Variants in CRIM1 observed in about 807,000 individuals in gnomAD.
CRIM1 encodes the protein cysteine-rich motor neuron 1 protein.
Under a neutral mutation model 116.4 loss-of-function variants are expected in CRIM1, and 32 were observed. The observed-to-expected ratio is 0.27, with a 90% CI of 0.21 to 0.37. CRIM1 has a LOEUF of 0.37. CRIM1 is among the 10% of genes least tolerant of loss of function. The pLI, the probability that CRIM1 is intolerant of heterozygous loss-of-function variation, is 1.00. For missense variants in CRIM1, 1,331 were observed against 1,354.8 expected, an observed-to-expected ratio of 0.98 and a Z score of 0.28; for synonymous variants, 590 against 509.2, an observed-to-expected ratio of 1.16 and a Z score of -2.13.
chr2:36,434,291 G>A (rs1168340763), intron 2 of CRIM1, among the ~76,000 whole-genome samples: 1 of 152,228 alleles, frequency 6.6e-6, no homozygotes, highest in African/African-American at 2.4e-5. Context: ...AGAAAGTAAT[G>A]AGGATACGCT....
intron 3 of CRIM1, among the ~76,000 whole-genome samples, chr2:36,442,104 A>G (rs368594101): frequency 6.6e-4 from 100 of 152,134 alleles, no homozygotes; most frequent in African/African-American, 2.3e-3. Flanking sequence ...TTCTTGCTTT[A>G]TATTATTTCT....
intron 2 of CRIM1, among the ~76,000 whole-genome samples, chr2:36,415,323 G>A (rs1354200364): frequency 2.0e-5 from 3 of 152,164 alleles, no homozygotes; most frequent in Non-Finnish European, 1.5e-5. Flanking sequence ...GTGTGGTGAT[G>A]CTATTTGGAA....
At chr2:36,416,688 A>G (rs1471265236) in intron 2 of CRIM1, among the ~76,000 whole-genome samples, 4 of 152,164 alleles carry the variant, frequency 2.6e-5, no homozygotes, top group African/African-American at 9.7e-5. Context: ...AGTTTTTCAG[A>G]TACAGAAGGA....
chr2:36,387,794 A>G (rs987113891), intron 1 of CRIM1, among the ~76,000 whole-genome samples: 3 of 152,212 alleles, frequency 2.0e-5, no homozygotes, highest in African/African-American at 7.2e-5. Context: ...ATTAAAAGCC[A>G]TTTATAAGAT....
At chr2:36,500,936 T>C (rs1680940026) in intron 8 of CRIM1, among the ~76,000 whole-genome samples, 4 of 152,232 alleles carry the variant, frequency 2.6e-5, no homozygotes, top group Admixed American at 1.3e-4. Flanking sequence ...GCTGAAGTTA[T>C]AGGGGCCTGG....
intron 1 of CRIM1, among the ~76,000 whole-genome samples, chr2:36,391,415 A>G (rs1167167968): frequency 1.3e-5 from 2 of 152,082 alleles, no homozygotes; most frequent in African/African-American, 2.4e-5. Flanking sequence ...AGCGTGAGCC[A>G]CCGCGCCCGG....
chr2:36,409,013 G>GAA (rs11408190), intron 2 of CRIM1, among the ~76,000 whole-genome samples: 166 of 147,820 alleles, frequency 1.1e-3, no homozygotes, highest in African/African-American at 2.9e-3. Context: ...CCTCAGAGGG[G>GAA]AAAAAAAAAA....
chr2:36,424,213 G>T (rs1674283624), intron 2 of CRIM1, among the ~76,000 whole-genome samples: 1 of 151,388 alleles, frequency 6.6e-6, no homozygotes, highest in African/African-American at 2.4e-5. Flanking sequence ...AAAGTAGGTT[G>T]TGCATAAAGT....
chr2:36,517,523 C>G lies in CRIM1; in HGVS notation c.2187C>G (p.Ser729=). ...AGAACCCCTCACGCACCCAGGATTC[C>G]TGCTGCCCACAGTGTACAGGTAAGC... The part of the protein sequence containing the change: ...LCQNPSRTQD[S]CCPQCTDQPF... The change falls in exon 12 of 17, where the codon TCC becomes TCG. Residue 729 remains serine, a synonymous_variant. Transcript: ENST00000280527. 6.2e-7 allele frequency: 1 copy of G among 1,613,780 alleles called. No homozygotes were observed. Among genetic ancestry groups the G allele is most frequent in the Non-Finnish European group, 8.5e-7 (1 of 1,179,866 alleles).
At chr2:36,425,542 A>C (rs1452694372) in intron 2 of CRIM1, among the ~76,000 whole-genome samples, 1 of 152,206 alleles carries the variant, frequency 6.6e-6, no homozygotes, top group Admixed American at 6.5e-5. Context: ...ATATAGAATC[A>C]TTGTCTTAAT....
At chr2:36,432,842 A>G (rs904662326) in intron 2 of CRIM1, among the ~76,000 whole-genome samples, 4 of 151,360 alleles carry the variant, frequency 2.6e-5, no homozygotes, top group South Asian at 2.1e-4. Flanking sequence ...ATTCTGTTTA[A>G]TTGGAATTGG....
At chr2:36,460,722 G>C (rs1162249440) in intron 4 of CRIM1, among the ~76,000 whole-genome samples, 1 of 152,106 alleles carries the variant, frequency 6.6e-6, no homozygotes, top group African/African-American at 2.4e-5. Context: ...TTGTTCCTCT[G>C]CAGTTCACTT....
intron 1 of CRIM1, among the ~76,000 whole-genome samples, chr2:36,370,392 A>C (rs750519353): frequency 1.1e-4 from 16 of 152,112 alleles, no homozygotes; most frequent in Non-Finnish European, 2.2e-4. Flanking sequence ...ATTTTCAAAC[A>C]CTGCCCTGGG....
chr2:36,475,669 G>A (rs1022315336), intron 5 of CRIM1, among the ~76,000 whole-genome samples: 1 of 152,188 alleles, frequency 6.6e-6, no homozygotes, highest in African/African-American at 2.4e-5. Context: ...ATCTTAGGGG[G>A]AAAGCACTTG....
At chr2:36,547,569 G>C (rs1026217225) in intron 16 of CRIM1, among the ~76,000 whole-genome samples, 3 of 152,170 alleles carry the variant, frequency 2.0e-5, no homozygotes, top group African/African-American at 7.2e-5. Context: ...CAAAGGGATG[G>C]AGATAATACT....
At chr2:36,471,726 A>ACAC (rs1678530111) in intron 5 of CRIM1, among the ~76,000 whole-genome samples, 6 of 78,898 alleles carry the variant, frequency 7.6e-5, no homozygotes, top group African/African-American at 3.5e-4. Flanking sequence ...GATTAGCTTA[A>ACAC]ACACACACAC....
At chr2:36,479,095 G>A (rs771258777) in intron 6 of CRIM1, among the ~76,000 whole-genome samples, 35 of 152,286 alleles carry the variant, frequency 2.3e-4, no homozygotes, top group Middle Eastern at 3.4e-3. Flanking sequence ...TGTTGCTTCC[G>A]CTTTACAGTT....
chr2:36,424,448 G>A (rs551097735), intron 2 of CRIM1, among the ~76,000 whole-genome samples: 21 of 152,228 alleles, frequency 1.4e-4, no homozygotes, highest in African/African-American at 5.1e-4. Flanking sequence ...TGGCCAGATG[G>A]GTGAATGTTG....
chr2:36,521,382 G>A (rs1489194457), intron 12 of CRIM1, among the ~76,000 whole-genome samples: 1 of 152,118 alleles, frequency 6.6e-6, no homozygotes, highest in Non-Finnish European at 1.5e-5. Context: ...GTTTTTGGTA[G>A]TCTGGTACAA....
Sources: allele counts gnomAD v4.1 joint callset (sites outside exome capture counted in the v4.1 genomes callset), GRCh38; gene constraint gnomAD v4.1.1; transcripts MANE v1.5; gene names NCBI Gene and HGNC (gene_info 2026-07-23, HGNC 2026-07-21).